SERINC5: variants seen among roughly 807,000 people sequenced by gnomAD.
The protein encoded by SERINC5 is chromosome 5 open reading frame 12.
Under a neutral mutation model 63.1 loss-of-function variants are expected in SERINC5, and 41 were observed. The observed-to-expected ratio is 0.65, with a 90% CI of 0.51 to 0.84. The LOEUF (loss-of-function observed/expected upper bound fraction) is 0.84. SERINC5 is among the 40% of genes least tolerant of loss of function. The probability of loss-of-function intolerance (pLI) is 0.00; values close to 1 mark genes in which losing one functional copy is unlikely to be tolerated. For synonymous variants in SERINC5, 222 were observed against 215.2 expected, an observed-to-expected ratio of 1.03 and a Z score of -0.28; for missense variants, 523 against 573.0, an observed-to-expected ratio of 0.91 and a Z score of 0.89.
At chr5:80,239,707 T>C (rs1317354855) in intron 1 of SERINC5, among the ~76,000 whole-genome samples, 1 of 152,058 alleles carries the variant, frequency 6.6e-6, no homozygotes, top group Non-Finnish European at 1.5e-5. Flanking sequence ...TATACAAAAA[T>C]AGCTGTATCC....
intron 11 of SERINC5, among the ~76,000 whole-genome samples, chr5:80,124,283 G>T (rs560678121): frequency 6.6e-6 from 1 of 152,144 alleles, no homozygotes; most frequent in Non-Finnish European, 1.5e-5. Flanking sequence ...ATAGCATGCC[G>T]CACTTCTAGC....
chr5:80,183,798 G>A (rs920112146), intron 2 of SERINC5, among the ~76,000 whole-genome samples: 6 of 151,998 alleles, frequency 3.9e-5, no homozygotes, highest in East Asian at 1.9e-4. Flanking sequence ...TCCCTTCGCT[G>A]ACTCTCTTTT....
intron 7 of SERINC5, among the ~76,000 whole-genome samples, chr5:80,161,880 G>A (rs1282282167): frequency 6.6e-6 from 1 of 151,190 alleles, no homozygotes; most frequent in Non-Finnish European, 1.5e-5. Context: ...GATTTTTGTT[G>A]ATTTTTGTAT....
At chr5:80,205,083 A>G (rs1335513392) in intron 1 of SERINC5, among the ~76,000 whole-genome samples, 2 of 152,194 alleles carry the variant, frequency 1.3e-5, no homozygotes, top group African/African-American at 4.8e-5. Context: ...CTTTGTGTTT[A>G]CCCAACACAT....
intron 1 of SERINC5, among the ~76,000 whole-genome samples, chr5:80,222,332 A>T (rs1049100998): frequency 6.6e-6 from 1 of 152,098 alleles, no homozygotes; most frequent in African/African-American, 2.4e-5. Context: ...GCAATTTCTC[A>T]GTGGCGGGAC....
intron 8 of SERINC5, among the ~76,000 whole-genome samples, chr5:80,152,440 A>G (rs956643620): frequency 3.3e-5 from 5 of 151,004 alleles, no homozygotes; most frequent in African/African-American, 1.2e-4. Flanking sequence ...GGTTGTAGTG[A>G]GCATGATCAC....
intron 4 of SERINC5, 122 bp from the exon 5 acceptor site, chr5:80,175,169 T>G: frequency 1.6e-6 from 1 of 615,370 alleles, no homozygotes; most frequent in Non-Finnish European, 2.9e-6. Flanking sequence ...CACACAACCA[T>G]ATAAGATATG....
At position 80,139,811 on chromosome 5, in the gene SERINC5, A is replaced by C; in HGVS notation, c.*3852T>G. 1 of 985,372 alleles carries C rather than the reference A, an allele frequency of 1.0e-6. No individual in the cohort carries two copies. 61.0% of individuals were successfully genotyped at this position (985,372 alleles called of 1,614,324 possible). A position where few individuals can be genotyped will look rare whatever the true frequency, so the allele number is the denominator to read the frequency against. Reference sequence around the variant, plus strand: ...GCCCAGTGTTCTTTCTGGGTGTGTAAGGTCTTACTTAGTTCAAGGTTTGTC... The same window carrying C: ...GCCCAGTGTTCTTTCTGGGTGTGTACGGTCTTACTTAGTTCAAGGTTTGTC... On this transcript the variant is annotated 3_prime_UTR_variant, in exon 12 of 12. Transcript: ENST00000507668.
chr5:80,229,641 G>A (rs370686441), intron 1 of SERINC5, among the ~76,000 whole-genome samples: 1 of 151,838 alleles, frequency 6.6e-6, no homozygotes, highest in Non-Finnish European at 1.5e-5. Context: ...AAAAGAAAAG[G>A]AAAAAACAAA....
intron 1 of SERINC5, among the ~76,000 whole-genome samples, chr5:80,217,891 T>C (rs1331473534): frequency 6.6e-6 from 1 of 152,140 alleles, no homozygotes. Flanking sequence ...GTGATTTGGC[T>C]CAAGGACAAA....
At chr5:80,226,043 GAA>G (rs57623969) in intron 1 of SERINC5, among the ~76,000 whole-genome samples, 2 of 145,700 alleles carry the variant, frequency 1.4e-5, no homozygotes, top group Non-Finnish European at 3.0e-5. Flanking sequence ...CTCCCCAAAG[GAA>G]AAAAAAAAAC....
At chr5:80,243,425 A>T (rs2112596561) in intron 1 of SERINC5, among the ~76,000 whole-genome samples, 1 of 152,236 alleles carries the variant, frequency 6.6e-6, no homozygotes, top group Admixed American at 6.5e-5. Flanking sequence ...AATTTCCCCT[A>T]CTTAACAAGA....
chr5:80,112,099 G>A (rs917513447), intron 12 of SERINC5, among the ~76,000 whole-genome samples: 1 of 152,128 alleles, frequency 6.6e-6, no homozygotes, highest in Non-Finnish European at 1.5e-5. Flanking sequence ...TCATGGGATG[G>A]GAAAGACCTG....
At chr5:80,135,811 GAT>G (rs1480831997), downstream of SERINC5, among the ~76,000 whole-genome samples, 1 of 150,364 alleles carries the variant, frequency 6.7e-6, no homozygotes, top group Non-Finnish European at 1.5e-5. Flanking sequence ...ATAGCAACTA[GAT>G]AGCACAATCA....
chr5:80,154,360 G>C (rs1019525810), intron 8 of SERINC5, among the ~76,000 whole-genome samples: 9 of 152,078 alleles, frequency 5.9e-5, no homozygotes, highest in Non-Finnish European at 1.3e-4. Context: ...TGTATTTTTA[G>C]TACAGATGGG....
intron 2 of SERINC5, among the ~76,000 whole-genome samples, chr5:80,185,493 T>C (rs1437581385): frequency 6.6e-6 from 1 of 151,688 alleles, no homozygotes; most frequent in African/African-American, 2.4e-5. Flanking sequence ...TAAAGCACTA[T>C]TATGTTATAT....
At chr5:80,199,303 A>G (rs1466620682) in intron 2 of SERINC5, among the ~76,000 whole-genome samples, 1 of 152,184 alleles carries the variant, frequency 6.6e-6, no homozygotes, top group Non-Finnish European at 1.5e-5. Flanking sequence ...TCGATGTTTC[A>G]GTTTCCCCAT....
chr5:80,224,603 C>G (rs1338965740), intron 1 of SERINC5, among the ~76,000 whole-genome samples: 1 of 152,022 alleles, frequency 6.6e-6, no homozygotes, highest in Non-Finnish European at 1.5e-5. Flanking sequence ...ACAGAAGCAA[C>G]AGCTCTTGAA....
chr5:80,138,008 G>T (rs1433680736), downstream of SERINC5, among the ~76,000 whole-genome samples: 1 of 152,034 alleles, frequency 6.6e-6, no homozygotes, highest in Non-Finnish European at 1.5e-5. Context: ...CCTGCAATAT[G>T]CAACAATTTG....
Sources: allele counts gnomAD v4.1 joint callset (sites outside exome capture counted in the v4.1 genomes callset), GRCh38; gene constraint gnomAD v4.1.1; transcripts MANE v1.5; gene names NCBI Gene and HGNC (gene_info 2026-07-23, HGNC 2026-07-21).